UVRAG: variants seen among roughly 807,000 people sequenced by gnomAD.
UVRAG encodes the protein UV radiation resistance-associated gene protein.
A neutral mutation model predicts 78.0 loss-of-function variants in UVRAG; 19 were observed. The observed-to-expected ratio is 0.24, with a 90% confidence interval of 0.17 to 0.36. The LOEUF (loss-of-function observed/expected upper bound fraction) is 0.36, where lower values mean the gene tolerates loss of function less well. UVRAG is among the 10% of genes least tolerant of loss of function. UVRAG has a pLI of 1.00. For synonymous variants in UVRAG, 323 were observed against 324.6 expected, an observed-to-expected ratio of 1.00 and a Z score of 0.05; for missense variants, 740 against 853.8, an observed-to-expected ratio of 0.87 and a Z score of 1.66.
intron 3 of UVRAG, among the ~76,000 whole-genome samples, chr11:75,870,962 A>G (rs1038834488): frequency 6.8e-6 from 1 of 147,752 alleles, no homozygotes; most frequent in Non-Finnish European, 1.5e-5. Context: ...CTCCGCCTCC[A>G]AGGTACAAGC....
intron 12 of UVRAG, among the ~76,000 whole-genome samples, chr11:76,041,602 C>T (rs1369465253): frequency 1.3e-5 from 2 of 152,112 alleles, no homozygotes; most frequent in Non-Finnish European, 2.9e-5. Flanking sequence ...GTGGCTGCTG[C>T]CATGGCCAGT....
intron 8 of UVRAG, among the ~76,000 whole-genome samples, chr11:75,998,771 A>G (rs931903315): frequency 1.3e-5 from 2 of 152,212 alleles, no homozygotes; most frequent in Non-Finnish European, 2.9e-5. Flanking sequence ...ACTACGGCAG[A>G]TATAAGGCAG....
At chr11:76,137,767 G>C (rs1952626389) in intron 14 of UVRAG, 2 of 312,314 alleles carry the variant, frequency 6.4e-6, no homozygotes, top group Non-Finnish European at 1.2e-5. Flanking sequence ...CATTAGCCGG[G>C]CATCGTGGCA....
chr11:76,045,425 A>G (rs59786011), intron 12 of UVRAG, among the ~76,000 whole-genome samples: 16,833 of 152,194 alleles, frequency 0.11, 2,222 homozygotes, highest in African/African-American at 0.32. Flanking sequence ...AAGAATTACC[A>G]GACATTTGAG....
At chr11:75,988,287 G>A (rs915026018) in intron 8 of UVRAG, among the ~76,000 whole-genome samples, 5 of 152,018 alleles carry the variant, frequency 3.3e-5, no homozygotes, top group African/African-American at 1.2e-4. Flanking sequence ...TTCCTCCATC[G>A]TTTGACCACT....
chr11:75,884,226 C>CTCTCTCTCTT (rs1555080636), intron 4 of UVRAG, among the ~76,000 whole-genome samples: 1 of 136,644 alleles, frequency 7.3e-6, no homozygotes, highest in African/African-American at 2.9e-5. Flanking sequence ...CTCTCTCTCT[C>CTCTCTCTCTT]TCTCTCTCTC....
At chr11:75,961,953 G>A (rs531597093) in intron 7 of UVRAG, among the ~76,000 whole-genome samples, 1 of 152,228 alleles carries the variant, frequency 6.6e-6, no homozygotes, top group South Asian at 2.1e-4. Context: ...TGTGGACAGT[G>A]ATCTCTTTTG....
chr11:76,116,149 G>A, intron 14 of UVRAG, 134 bp downstream of exon 14: 2 of 850,794 alleles, frequency 2.4e-6, no homozygotes, highest in Non-Finnish European at 3.6e-6. Flanking sequence ...AAAATGAAAG[G>A]CGCCATCACA....
Position 76,101,719 on chromosome 11 carries a change from C to T in UVRAG, c.1306-14205C>T, listed in dbSNP as rs944139784. On this transcript the variant is annotated intron_variant, in intron 13 of 14. Coordinates refer to ENST00000356136, the MANE Select transcript of UVRAG (RefSeq NM_003369.4). ...AGGGTTTTTATAGTTTTGGGTTGTACATGTAAGTCTTTAATCCATCTTGAA... is the reference window on the plus strand; with the variant it reads ...AGGGTTTTTATAGTTTTGGGTTGTATATGTAAGTCTTTAATCCATCTTGAA... Among the ~76,000 whole-genome samples the T allele has an allele frequency of 2.0e-5, 3 of 152,122 alleles. No individual in the cohort carries two copies. In the East Asian group the frequency reaches 5.8e-4, roughly 29 times the overall value.
chr11:75,907,194 C>T (rs560697786), intron 5 of UVRAG, among the ~76,000 whole-genome samples: 16 of 152,258 alleles, frequency 1.1e-4, no homozygotes, highest in East Asian at 1.9e-4. Flanking sequence ...TTGGAATACA[C>T]TTTATTTTTC....
intron 5 of UVRAG, among the ~76,000 whole-genome samples, chr11:75,908,650 T>G (rs1186300850): frequency 6.6e-6 from 1 of 151,802 alleles, no homozygotes; most frequent in Non-Finnish European, 1.5e-5. Flanking sequence ...TTTTGAAGAC[T>G]TTGAGAAGGA....
rs77526127 is a variant in UVRAG at position 76,115,094 on chromosome 11, C to G, written c.1306-830C>G. On this transcript the variant is annotated intron_variant, in intron 13 of 14. Coordinates refer to ENST00000356136, the MANE Select transcript of UVRAG (RefSeq NM_003369.4). ...ATATGCACATCCACTTACTTCGGCT[C>G]TCCTTTATGGTCAGTTACGGAAGCA... 1.1e-4 allele frequency among the ~76,000 whole-genome samples: 17 copies of G among 152,312 alleles called. No individual in the cohort carries two copies. The East Asian group carries it at 3.3e-3, about 29-fold the overall frequency.
chr11:76,104,701 A>G (rs1276879639), intron 13 of UVRAG, among the ~76,000 whole-genome samples: 1 of 152,226 alleles, frequency 6.6e-6, no homozygotes, highest in Admixed American at 6.5e-5. Flanking sequence ...CATGCACACA[A>G]TTCAGTAATT....
chr11:75,816,608 A>G (rs1261582688), intron 1 of UVRAG, among the ~76,000 whole-genome samples: 2 of 152,232 alleles, frequency 1.3e-5, no homozygotes, highest in Non-Finnish European at 2.9e-5. Flanking sequence ...AGGCTTGTCC[A>G]GAGCCTTCCA....
intron 13 of UVRAG, among the ~76,000 whole-genome samples, chr11:76,085,576 T>C (rs1350483420): frequency 1.3e-5 from 2 of 152,246 alleles, no homozygotes; most frequent in Non-Finnish European, 2.9e-5. Flanking sequence ...ATTCTCTCAC[T>C]AGCTTCTTTG....
chr11:76,037,474 G>A (rs1950555660), intron 12 of UVRAG, among the ~76,000 whole-genome samples: 1 of 151,266 alleles, frequency 6.6e-6, no homozygotes, highest in African/African-American at 2.4e-5. Context: ...AGGTTGCAGC[G>A]GGCAGATTGC....
intron 4 of UVRAG, among the ~76,000 whole-genome samples, chr11:75,882,932 AAT>A (rs1253377013): frequency 1.3e-5 from 2 of 152,104 alleles, no homozygotes; most frequent in Non-Finnish European, 2.9e-5. Context: ...GGATTATCTT[AAT>A]TAAAACTTAG....
intron 1 of UVRAG, among the ~76,000 whole-genome samples, chr11:75,832,319 C>T (rs1945676243): frequency 6.6e-6 from 1 of 152,150 alleles, no homozygotes; most frequent in Non-Finnish European, 1.5e-5. Context: ...AAGTCCCGGT[C>T]GCAGGCCTCC....
intron 7 of UVRAG, among the ~76,000 whole-genome samples, chr11:75,977,865 T>C (rs991242939): frequency 2.0e-5 from 3 of 152,218 alleles, no homozygotes; most frequent in Non-Finnish European, 4.4e-5. Context: ...TTTAGCCCAT[T>C]TACACTTAAG....
Sources: allele counts gnomAD v4.1 joint callset (sites outside exome capture counted in the v4.1 genomes callset), GRCh38; gene constraint gnomAD v4.1.1; transcripts MANE v1.5; gene names NCBI Gene and HGNC (gene_info 2026-07-23, HGNC 2026-07-21).